The following NUP37 variants were observed in gnomAD, a reference collection of about 807,000 sequenced individuals.
NUP37 encodes nucleoporin Nup37.
NUP37 carries 33 observed loss-of-function variants against 45.4 expected under a neutral mutation model. The observed-to-expected ratio is 0.73, with a 90% confidence interval of 0.55 to 0.97. The LOEUF (loss-of-function observed/expected upper bound fraction) is 0.97, where lower values mean the gene tolerates loss of function less well. Among genes scored for constraint, NUP37 ranks in the 50% least tolerant of loss-of-function variants. NUP37 has a pLI of 0.00. For missense variants in NUP37, 365 were observed against 389.7 expected, an observed-to-expected ratio of 0.94 and a Z score of 0.53; for synonymous variants, 127 against 130.7, an observed-to-expected ratio of 0.97 and a Z score of 0.19.
Position 102,077,378 on chromosome 12 carries a change from G to A in NUP37, c.666C>T (p.Phe222=). Residue 222 remains phenylalanine (F), a synonymous_variant, in exon 7 of 10, where the codon TTC becomes TTT. Transcript: ENST00000552283. ...CATTTCCTGCAACGGCTCCAACTTT[G>A]AAGGTGTTTTTTAAGCACCAGTGTG... The part of the protein sequence containing the change: ...MSAHWCLKNT[F]KVGAVAGNDW... 6.2e-7 allele frequency: 1 copy of A among 1,614,122 alleles called. No individual in the cohort carries two copies. The highest frequency in any genetic ancestry group is 8.5e-7 in the Non-Finnish European group (1 of 1,180,002).
intron 5 of NUP37, among the ~76,000 whole-genome samples, chr12:102,094,480 G>T (rs545402799): frequency 2.0e-5 from 3 of 151,020 alleles, no homozygotes; most frequent in Non-Finnish European, 4.4e-5. Context: ...TAGGTATACT[G>T]CATATTTTGT....
At chr12:102,095,208 C>G (rs112649668) in intron 5 of NUP37, among the ~76,000 whole-genome samples, 1 of 152,178 alleles carries the variant, frequency 6.6e-6, no homozygotes, top group African/African-American at 2.4e-5. Flanking sequence ...GCTTAACCCA[C>G]TAAATACTTA....
At chr12:102,074,893 A>T in intron 9 of NUP37, 108 bp downstream of exon 9, 1 of 577,628 alleles carries the variant, frequency 1.7e-6, no homozygotes, top group Non-Finnish European at 2.9e-6. Flanking sequence ...TAACAAACGT[A>T]AATGTCTTCA....
chr12:102,077,673 T>C (rs1009478894), intron 6 of NUP37, among the ~76,000 whole-genome samples, 170 bp from the exon 7 acceptor site: 9 of 152,208 alleles, frequency 5.9e-5, no homozygotes, highest in African/African-American at 2.2e-4. Context: ...ACTTTTTGAG[T>C]GCTAACATGA....
intron 6 of NUP37, among the ~76,000 whole-genome samples, chr12:102,083,183 A>T (rs1389463073): frequency 6.6e-6 from 1 of 152,226 alleles, no homozygotes. Flanking sequence ...CTCATTTGTC[A>T]TGCAGGTCAT....
At chr12:102,087,400 G>A (rs922435485) in intron 5 of NUP37, among the ~76,000 whole-genome samples, 2 of 152,164 alleles carry the variant, frequency 1.3e-5, no homozygotes, top group Non-Finnish European at 2.9e-5. Context: ...AATGAACACA[G>A]ATGTTTTTCA....
intron 2 of NUP37, 26 bp from the exon 3 acceptor site, chr12:102,112,258 A>G (rs945384592): frequency 2.5e-6 from 4 of 1,575,944 alleles, no homozygotes; most frequent in Non-Finnish European, 2.6e-6. Flanking sequence ...AAATGTTTTA[A>G]TAAGTAATGA....
At position 102,081,834 on chromosome 12, in the gene NUP37, C is replaced by T. The variant is rs74959779; in HGVS notation, c.540+3932G>A. On this transcript the variant is annotated intron_variant, in intron 6 of 9. Transcript: ENST00000552283. Reference sequence around the variant, plus strand: ...TGAGCCTCCAGAGTAGCTGGGACTACGGTCGAGCACCACACCTGGCTAATG... The same window carrying T: ...TGAGCCTCCAGAGTAGCTGGGACTATGGTCGAGCACCACACCTGGCTAATG... 2.1e-3 allele frequency among the ~76,000 whole-genome samples: 326 copies of T among 152,048 alleles called. 3 individuals carry two copies. The highest frequency in any genetic ancestry group is 0.019 in the Admixed American group (288 of 15,274).
chr12:102,077,083 T>G, intron 7 of NUP37: 1 of 610,444 alleles, frequency 1.6e-6, no homozygotes, highest in South Asian at 2.0e-5. Flanking sequence ...CCAATATAAG[T>G]CAACATTGCA....
intron 5 of NUP37, among the ~76,000 whole-genome samples, chr12:102,093,842 G>A (rs1879728165): frequency 6.6e-6 from 1 of 151,984 alleles, no homozygotes; most frequent in African/African-American, 2.4e-5. Context: ...CATAAAGCAA[G>A]CTTAAATTAC....
intron 2 of NUP37, chr12:102,115,798 T>C: frequency 1.0e-6 from 1 of 980,366 alleles, no homozygotes; most frequent in Non-Finnish European, 1.2e-6. Context: ...TTCCACTTAA[T>C]TTACCTTTAC....
At chr12:102,095,657 A>T (rs1410261852) in intron 5 of NUP37, among the ~76,000 whole-genome samples, 1 of 152,138 alleles carries the variant, frequency 6.6e-6, no homozygotes, top group Non-Finnish European at 1.5e-5. Flanking sequence ...CAAGATATAT[A>T]CTTGTCATAC....
chr12:102,089,413 A>C (rs961875980), intron 5 of NUP37, among the ~76,000 whole-genome samples: 6 of 143,648 alleles, frequency 4.2e-5, no homozygotes, highest in African/African-American at 1.6e-4. Context: ...AGCCGGGCAG[A>C]GGCGTTCCTC....
intron 2 of NUP37, among the ~76,000 whole-genome samples, chr12:102,117,373 C>T (rs73185933): frequency 0.039 from 5,944 of 151,930 alleles, 160 homozygotes; most frequent in African/African-American, 0.071. Flanking sequence ...TCAACTGAAC[C>T]CGGGAGATGA....
intron 6 of NUP37, among the ~76,000 whole-genome samples, chr12:102,084,166 G>A (rs1879405412): frequency 6.6e-6 from 1 of 152,120 alleles, no homozygotes; most frequent in South Asian, 2.1e-4. Context: ...TCTGCGCCTT[G>A]GTTTCCTTAT....
chr12:102,107,047 A>G (rs1166062944), intron 3 of NUP37, among the ~76,000 whole-genome samples: 2 of 152,158 alleles, frequency 1.3e-5, no homozygotes, highest in Admixed American at 6.5e-5. Flanking sequence ...CTTCCCTGCT[A>G]TATAAACCCC....
chr12:102,082,020 C>CT (rs1488630869), intron 6 of NUP37, among the ~76,000 whole-genome samples: 1 of 152,078 alleles, frequency 6.6e-6, no homozygotes, highest in Non-Finnish European at 1.5e-5. Flanking sequence ...TCTTTAACCT[C>CT]TTTTTTCTTA....
chr12:102,082,970 T>C (rs1432369513), intron 6 of NUP37, among the ~76,000 whole-genome samples: 4 of 152,248 alleles, frequency 2.6e-5, no homozygotes, highest in East Asian at 1.9e-4. Context: ...TCTGAGTTTA[T>C]GTGATTTAGA....
At chr12:102,084,971 G>A (rs542195731) in intron 6 of NUP37, among the ~76,000 whole-genome samples, 2 of 152,282 alleles carry the variant, frequency 1.3e-5, no homozygotes, top group African/African-American at 2.4e-5. Context: ...TGTATTTTTA[G>A]TATTTTAGAA....
Sources: gnomAD v4.1 joint callset for allele counts (sites outside exome capture counted in the v4.1 genomes callset) on GRCh38, gnomAD v4.1.1 for gene constraint, MANE v1.5 for transcripts, NCBI Gene and HGNC (gene_info 2026-07-23, HGNC 2026-07-21) for gene names.